The following FMO5 variants were observed in gnomAD, a reference collection of about 807,000 sequenced individuals.
The protein encoded by FMO5 is flavin-containing monooxygenase 5.
In FMO5, 51 loss-of-function variants were observed where a neutral mutation model predicts 43.6. That is an observed-to-expected ratio of 1.17 (90% CI 0.93 to 1.48). FMO5 has a LOEUF of 1.48. FMO5 is among the 40% of genes most tolerant of loss of function. The pLI is 0.00. For missense variants in FMO5, 644 were observed against 643.0 expected, an observed-to-expected ratio of 1.00 and a Z score of -0.02; for synonymous variants, 187 against 216.5, an observed-to-expected ratio of 0.86 and a Z score of 1.20.
chr1:147,215,509 A>C, intron 3 of FMO5: 1 of 454,506 alleles, frequency 2.2e-6, no homozygotes, highest in East Asian at 3.8e-5. Flanking sequence ...ATGTGAAATG[A>C]AGGTAATGAA....
intron 6 of FMO5, chr1:147,203,683 A>G: frequency 1.4e-6 from 2 of 1,478,676 alleles, no homozygotes; most frequent in Non-Finnish European, 1.9e-6. Flanking sequence ...TGGCTAATTC[A>G]ATTTCTGTTG....
intron 2 of FMO5, among the ~76,000 whole-genome samples, chr1:147,217,842 TA>T (rs1293584327): frequency 3.3e-5 from 5 of 152,170 alleles, no homozygotes; most frequent in Non-Finnish European, 5.9e-5. Context: ...AAGACCTCCA[TA>T]ATGTTTTGTA....
intron 2 of FMO5, among the ~76,000 whole-genome samples, chr1:147,218,946 T>C (rs1430106805): frequency 5.3e-5 from 8 of 152,208 alleles, no homozygotes; most frequent in Non-Finnish European, 1.0e-4. Flanking sequence ...TCTGTTCATA[T>C]TTCTATAAAG....
Position 147,209,017 on chromosome 1 carries a change from A to G in FMO5, c.665T>C (p.Leu222Pro), listed in dbSNP as rs1553923133. The G allele has an allele frequency of 6.2e-7, 1 of 1,614,080 alleles. No individual in the cohort carries two copies. Among genetic ancestry groups the G allele is most frequent in the African/African-American group, 1.3e-5 (1 of 74,948 alleles). Reference sequence around the variant, plus strand: ...ATATCCGTAGTCCCCTACACGATTCAGGATCCAAGCCCCTCTCCTGGTGCT... The same window carrying G: ...ATATCCGTAGTCCCCTACACGATTCGGGATCCAAGCCCCTCTCCTGGTGCT... ...FLSTRRGAWI[L>P]NRVGDYGYPA... is the part of the protein sequence containing the mutation. The change falls in exon 6 of 9, where the codon CTG becomes CCG. Residue 222 changes from leucine (L) to proline (P), a missense_variant. By Grantham distance (98) the Leu-to-Pro change is moderately conservative. Transcript: ENST00000254090.
At chr1:147,227,181 G>A (rs1664037402), upstream of FMO5, among the ~76,000 whole-genome samples, 1 of 152,154 alleles carries the variant, frequency 6.6e-6, no homozygotes, top group South Asian at 2.1e-4. Context: ...AACTATAAAT[G>A]TGAATTTATA....
intron 5 of FMO5, 131 bp from the exon 6 acceptor site, chr1:147,209,182 G>A (rs587683016): frequency 5.3e-5 from 33 of 622,338 alleles, no homozygotes; most frequent in Admixed American, 1.1e-4. Flanking sequence ...CACTTTGGGA[G>A]GCCAAGGCGG....
At chr1:147,200,512 T>G (rs1245384319) in intron 7 of FMO5, among the ~76,000 whole-genome samples, 1 of 152,150 alleles carries the variant, frequency 6.6e-6, no homozygotes, top group Non-Finnish European at 1.5e-5. Flanking sequence ...TTCTAGAACA[T>G]TATAGTTTTT....
intron 7 of FMO5, among the ~76,000 whole-genome samples, chr1:147,196,091 A>G (rs1486260411): frequency 6.6e-6 from 1 of 152,176 alleles, no homozygotes; most frequent in African/African-American, 2.4e-5. Context: ...TCTTCTCATT[A>G]TCAGGCTAAA....
intron 7 of FMO5, among the ~76,000 whole-genome samples, chr1:147,195,190 G>A (rs1657744799): frequency 1.3e-5 from 2 of 152,040 alleles, no homozygotes; most frequent in South Asian, 4.1e-4. Flanking sequence ...CATATTCCTT[G>A]GATGCTTTGT....
intron 2 of FMO5, 130 bp from the exon 3 acceptor site, chr1:147,216,072 T>C: frequency 3.1e-6 from 2 of 637,692 alleles, no homozygotes; most frequent in Non-Finnish European, 5.4e-6. Flanking sequence ...CCAGTATTTG[T>C]GCCCTTATGT....
At chr1:147,190,998 A>C (rs753876130) in intron 7 of FMO5, among the ~76,000 whole-genome samples, 6 of 152,038 alleles carry the variant, frequency 3.9e-5, no homozygotes, top group Non-Finnish European at 7.4e-5. Context: ...CCATGTCCCT[A>C]CAAAGGACAT....
At chr1:147,219,892 G>A (rs1269949606) in intron 2 of FMO5, among the ~76,000 whole-genome samples, 1 of 144,786 alleles carries the variant, frequency 6.9e-6, no homozygotes, top group Non-Finnish European at 1.5e-5. Flanking sequence ...AGGCTAGAGT[G>A]CAGTGGCACA....
chr1:147,214,277 C>G (rs1426391781), intron 3 of FMO5, among the ~76,000 whole-genome samples: 2 of 151,964 alleles, frequency 1.3e-5, no homozygotes, highest in African/African-American at 2.4e-5. Context: ...CATGGCGAAA[C>G]CCCGTCTCTA....
chr1:147,190,199 C>A lies in FMO5; in HGVS notation c.1234G>T (p.Ala412Ser), dbSNP rs782506028. The change falls in exon 8 of 9, where the codon GCT (alanine) becomes TCT (serine). Residue 412 changes from alanine (A) to serine (S), a missense_variant. Transcript: ENST00000254090. ...QSEMMAEISKAQEEIDKRYVE... is the reference protein window; with the variant it reads ...QSEMMAEISKSQEEIDKRYVE... ...TACCTTTTGTCAATTTCCTCTTGAGCTTTAGATATTTCTGCCATCATTTCA... is the reference window on the plus strand; with the variant it reads ...TACCTTTTGTCAATTTCCTCTTGAGATTTAGATATTTCTGCCATCATTTCA... The A allele has an allele frequency of 5.6e-6, 9 of 1,611,110 alleles. No homozygotes were observed. In the East Asian group the frequency reaches 2.0e-4, roughly 36 times the overall value.
chr1:147,211,594 A>G (rs1209862955), intron 5 of FMO5: 1 of 152,262 alleles, frequency 6.6e-6, no homozygotes, highest in Non-Finnish European at 1.5e-5. Context: ...TGGCTTAATT[A>G]AAGTTACTAA....
chr1:147,216,861 G>A (rs1553925151), intron 2 of FMO5, among the ~76,000 whole-genome samples: 1 of 152,182 alleles, frequency 6.6e-6, no homozygotes, highest in African/African-American at 2.4e-5. Flanking sequence ...AGATGCTCAT[G>A]CAAACTGAGA....
intron 5 of FMO5, chr1:147,211,279 G>A (rs1287859596): frequency 6.6e-6 from 1 of 152,112 alleles, no homozygotes; most frequent in East Asian, 1.9e-4. Flanking sequence ...GATGGCTCTC[G>A]CCATGGGTCC....
chr1:147,218,438 A>G (rs1371458046), intron 2 of FMO5, among the ~76,000 whole-genome samples: 4 of 151,802 alleles, frequency 2.6e-5, no homozygotes, highest in African/African-American at 9.7e-5. Flanking sequence ...GGGTTTCACC[A>G]TGTTAGCCAG....
chr1:147,207,014 A>G (rs1269461339), intron 6 of FMO5, among the ~76,000 whole-genome samples: 2 of 151,948 alleles, frequency 1.3e-5, no homozygotes, highest in African/African-American at 2.4e-5. Flanking sequence ...CTGACAGGAT[A>G]CTAGATTTAA....
Sources: gnomAD v4.1 joint callset for allele counts (sites outside exome capture counted in the v4.1 genomes callset) on GRCh38, gnomAD v4.1.1 for gene constraint, MANE v1.5 for transcripts, NCBI Gene and HGNC (gene_info 2026-07-23, HGNC 2026-07-21) for gene names.